Variants in TRERF1 observed in about 807,000 individuals in gnomAD.
TRERF1 encodes the protein transcriptional regulating factor 1.
Under a neutral mutation model 122.9 loss-of-function variants are expected in TRERF1, and 27 were observed. That is an observed-to-expected ratio of 0.22 (90% CI 0.16 to 0.30). The LOEUF is 0.30. Among genes scored for constraint, TRERF1 ranks in the 10% least tolerant of loss-of-function variants. The pLI is 1.00. For synonymous variants in TRERF1, 636 were observed against 641.7 expected, an observed-to-expected ratio of 0.99 and a Z score of 0.13; for missense variants, 1,248 against 1,560.3, an observed-to-expected ratio of 0.80 and a Z score of 3.37.
chr6:42,354,816 T>C (rs1562049390), intron 3 of TRERF1, among the ~76,000 whole-genome samples: 1 of 152,186 alleles, frequency 6.6e-6, no homozygotes, highest in Non-Finnish European at 1.5e-5. Flanking sequence ...TCTAACTCCC[T>C]TTCCCCAAAA....
intron 3 of TRERF1, among the ~76,000 whole-genome samples, chr6:42,342,868 C>T (rs940449670): frequency 6.6e-6 from 1 of 152,220 alleles, no homozygotes; most frequent in African/African-American, 2.4e-5. Flanking sequence ...CCCAAGTCTT[C>T]TCTTTTCTAG....
At chr6:42,272,131 T>C (rs953851620) in intron 4 of TRERF1, among the ~76,000 whole-genome samples, 1 of 152,194 alleles carries the variant, frequency 6.6e-6, no homozygotes, top group Non-Finnish European at 1.5e-5. Context: ...CATAAAAAAA[T>C]GTGTGTGTAA....
At position 42,276,418 on chromosome 6, in the gene TRERF1, C is replaced by T. The variant is rs1781158950; in HGVS notation, c.-258-6570G>A. On this transcript the variant is annotated intron_variant, in intron 4 of 17. Coordinates refer to ENST00000372922, the Ensembl canonical transcript of TRERF1. This position sits in a 1 kb window ranked among gnomAD's most constrained non-coding sequence, Gnocchi z 4.3. Reference sequence around the variant, plus strand: ...AGTTAGAGACTGTATACACAATTCTCCAAATGCCTTGGCTTGTGTTTTAGT... The same window carrying T: ...AGTTAGAGACTGTATACACAATTCTTCAAATGCCTTGGCTTGTGTTTTAGT... Among the ~76,000 whole-genome samples, 1 of 152,204 alleles carries T rather than the reference C, an allele frequency of 6.6e-6. No individual in the cohort carries two copies. Among genetic ancestry groups the T allele is most frequent in the African/African-American group, 2.4e-5 (1 of 41,460 alleles).
rs569577214 is a variant in TRERF1 at position 42,228,159 on chromosome 6, C to G, written c.*186G>C. On this transcript the variant is annotated 3_prime_UTR_variant, in exon 18 of 18. Coordinates refer to ENST00000372922, the Ensembl canonical transcript of TRERF1. This position sits in a 1 kb window ranked among gnomAD's most constrained non-coding sequence, Gnocchi z 4.2. ...CCAATTATTTATTCCCCCAACCCCC[C>G]ACAAAAACAAATTTTTTTAAATAAA... 155 of 548,904 alleles carry G rather than the reference C, an allele frequency of 2.8e-4. 1 individual carries two copies. In the South Asian group the frequency reaches 5.2e-3, roughly 19 times the overall value. 34.0% of individuals were successfully genotyped at this position (548,904 alleles called of 1,614,324 possible). A position where few individuals can be genotyped will look rare whatever the true frequency, so the allele number is the denominator to read the frequency against.
chr6:42,350,486 CCTGCCTCT>C (rs920649999), intron 3 of TRERF1, among the ~76,000 whole-genome samples: 1 of 152,186 alleles, frequency 6.6e-6, no homozygotes, highest in African/African-American at 2.4e-5. Flanking sequence ...CACCTCTCAG[CCTGCCTCT>C]CTGCCTCTCT....
chr6:42,380,828 C>A (rs771608525), intron 2 of TRERF1, among the ~76,000 whole-genome samples: 1 of 152,218 alleles, frequency 6.6e-6, no homozygotes, highest in Non-Finnish European at 1.5e-5. Flanking sequence ...GTTGGGCCCA[C>A]AGAGGGGCCA....
chr6:42,258,102 T>G, intron 10 of TRERF1, 33 bp downstream of exon 10: 1 of 1,587,176 alleles, frequency 6.3e-7, no homozygotes, highest in Non-Finnish European at 8.6e-7. Context: ...AAGCTGAGGC[T>G]TCTGTTCTAA....
intron 2 of TRERF1, among the ~76,000 whole-genome samples, chr6:42,364,486 A>G (rs1296746189): frequency 1.3e-5 from 2 of 152,236 alleles, no homozygotes; most frequent in East Asian, 3.8e-4. Flanking sequence ...CCTGGCACAT[A>G]GTAGGTGCTC....
intron 3 of TRERF1, among the ~76,000 whole-genome samples, chr6:42,307,916 A>C (rs1204267481): frequency 2.0e-5 from 3 of 152,186 alleles, no homozygotes; most frequent in Non-Finnish European, 4.4e-5. Flanking sequence ...TGAAGAATGA[A>C]GCTTCCCTTC....
intron 2 of TRERF1, among the ~76,000 whole-genome samples, chr6:42,412,539 T>TC (rs1781264640): frequency 6.6e-6 from 1 of 152,160 alleles, no homozygotes; most frequent in Non-Finnish European, 1.5e-5. Flanking sequence ...GAAGAGAAAG[T>TC]CCATGGCCTC....
chr6:42,421,863 C>A (rs1255056364), intron 2 of TRERF1, among the ~76,000 whole-genome samples: 1 of 151,758 alleles, frequency 6.6e-6, no homozygotes, highest in Non-Finnish European at 1.5e-5. Context: ...AAATAGATTG[C>A]AAATCACAGT....
At chr6:42,374,136 T>TAAA (rs775475126) in intron 2 of TRERF1, among the ~76,000 whole-genome samples, 1 of 131,224 alleles carries the variant, frequency 7.6e-6, no homozygotes, top group African/African-American at 3.4e-5. Flanking sequence ...TGTCTTTTTT[T>TAAA]TAAAAAAAAA....
intron 3 of TRERF1, among the ~76,000 whole-genome samples, chr6:42,348,402 C>T (rs556009142): frequency 5.9e-5 from 9 of 152,240 alleles, no homozygotes; most frequent in South Asian, 2.1e-4. Context: ...TACAGCCATG[C>T]GCCACCATGC....
chr6:42,418,218 C>CGTTTTT (rs1782152226), intron 2 of TRERF1, among the ~76,000 whole-genome samples: 1 of 34,656 alleles, frequency 2.9e-5, no homozygotes, highest in Non-Finnish European at 5.0e-5. Context: ...TTTTTCTTTC[C>CGTTTTT]TTTTTTTTTT....
At chr6:42,243,334 C>T (rs1252148477) in exon 15 of TRERF1, 3 of 1,614,138 alleles carry the variant, frequency 1.9e-6, no homozygotes, top group African/African-American at 1.3e-5. Flanking sequence ...TAGTACTCCA[C>T]GCACTGAGCC....
At chr6:42,397,053 AAC>A (rs1778714085) in intron 2 of TRERF1, among the ~76,000 whole-genome samples, 1 of 152,178 alleles carries the variant, frequency 6.6e-6, no homozygotes, top group African/African-American at 2.4e-5. Flanking sequence ...CAATATAGAG[AAC>A]AGAGATAAAA....
At chr6:42,262,433 GCAGAGAGAGAGAGAGA>G (rs1561853407) in intron 8 of TRERF1, among the ~76,000 whole-genome samples, 9 of 11,776 alleles carry the variant, frequency 7.6e-4, no homozygotes, top group African/African-American at 3.7e-3. Flanking sequence ...TTCCCTAGGG[GCAGAGAGAGAGAGAGA>G]GAGAGAGAGA....
chr6:42,451,715 C>T (rs1272361088), intron 1 of TRERF1, among the ~76,000 whole-genome samples: 1 of 151,080 alleles, frequency 6.6e-6, no homozygotes, highest in Non-Finnish European at 1.5e-5. Flanking sequence ...TGGAAACTTA[C>T]TCCCAGATAT....
intron 2 of TRERF1, among the ~76,000 whole-genome samples, chr6:42,409,087 G>C (rs1397597052): frequency 1.3e-5 from 2 of 152,080 alleles, no homozygotes; most frequent in Non-Finnish European, 1.5e-5. Flanking sequence ...AGGAGTTCAA[G>C]ACCATCCCAG....
Sources: allele counts gnomAD v4.1 joint callset (sites outside exome capture counted in the v4.1 genomes callset), GRCh38; gene constraint gnomAD v4.1.1; non-coding constraint Gnocchi (gnomAD v3.1); transcripts MANE v1.5; gene names NCBI Gene and HGNC (gene_info 2026-07-23, HGNC 2026-07-21).